COL6A3: variants seen among roughly 807,000 people sequenced by gnomAD.
The protein encoded by COL6A3 is collagen alpha-3(VI) chain.
COL6A3 carries 137 observed loss-of-function variants against 274.1 expected under a neutral mutation model. The observed-to-expected ratio is 0.50, with a 90% CI of 0.44 to 0.58. The LOEUF (loss-of-function observed/expected upper bound fraction) is 0.58. COL6A3 is among the 20% of genes least tolerant of loss of function. The pLI, the probability that COL6A3 is intolerant of heterozygous loss-of-function variation, is 0.00. For synonymous variants in COL6A3, 1,650 were observed against 1,650.6 expected, an observed-to-expected ratio of 1.00 and a Z score of 0.01; for missense variants, 3,950 against 4,124.9, an observed-to-expected ratio of 0.96 and a Z score of 1.16.
At position 237,371,899 on chromosome 2, in the gene COL6A3, G is replaced by T. The variant is rs1197307879; in HGVS notation, c.4118C>A (p.Ala1373Glu). Reference sequence around the variant, plus strand: ...GATCTTCACCAGCTCCTCCTGGTCTGCGTTCCTGGCGATCGTGAAAGGGGC... The same window carrying T: ...GATCTTCACCAGCTCCTCCTGGTCTTCGTTCCTGGCGATCGTGAAAGGGGC... ...GVAPFTIARNADQEELVKISL... is the reference protein window; with the variant it reads ...GVAPFTIARNEDQEELVKISL... The change falls in exon 9 of 44, where the codon GCA (alanine) becomes GAA (glutamate). Residue 1373 changes from alanine (A) to glutamate (E), a missense_variant. By Grantham distance (107) the Ala-to-Glu change is moderately radical (BLOSUM62 -1). This residue lies in a region of COL6A3 where 1,934 missense variants were observed against 1,984.3 expected (regional missense o/e 0.97). Transcript: ENST00000295550. This position sits in a 1 kb window ranked among gnomAD's most constrained non-coding sequence, Gnocchi z 4.3. 6.2e-7 allele frequency: 1 copy of T among 1,613,682 alleles called. No individual in the cohort carries two copies. Among genetic ancestry groups the T allele is most frequent in the African/African-American group, 1.3e-5 (1 of 74,860 alleles).
chr2:237,382,313 G>A (rs1013028411), intron 4 of COL6A3, among the ~76,000 whole-genome samples: 1 of 152,056 alleles, frequency 6.6e-6, no homozygotes, highest in Non-Finnish European at 1.5e-5. Context: ...AACCTGGAAG[G>A]AGGAGGTTCC....
At chr2:237,331,914 T>G (rs1467296583) in intron 42 of COL6A3, among the ~76,000 whole-genome samples, 1 of 150,062 alleles carries the variant, frequency 6.7e-6, no homozygotes, top group African/African-American at 2.4e-5. Flanking sequence ...TATCAACTAC[T>G]TGCAGCCTTG....
Position 237,367,053 on chromosome 2 carries a change from T to G in COL6A3, c.5134A>C (p.Lys1712Gln). 2 of 1,614,230 alleles carry G rather than the reference T, an allele frequency of 1.2e-6. No individual in the cohort carries two copies. Among genetic ancestry groups the G allele is most frequent in the South Asian group, 1.1e-5 (1 of 91,086 alleles). The change falls in exon 11 of 44, where the codon AAA becomes CAA. Residue 1712 changes from lysine to glutamine, a missense_variant. Transcript: ENST00000295550. ...IIDAINKVVYKGGRHANTKVG... is the reference protein window; with the variant it reads ...IIDAINKVVYQGGRHANTKVG... ...TTAGTGTTGGCGTGTCTTCCCCCTT[T>G]GTAGACCACTTTGTTGATGGCGTCA...
chr2:237,409,814 G>A (rs2078810544), intron 1 of COL6A3, among the ~76,000 whole-genome samples: 1 of 152,098 alleles, frequency 6.6e-6, no homozygotes, highest in Non-Finnish European at 1.5e-5. Flanking sequence ...ATACGCAATG[G>A]CATGAATATG....
chr2:237,325,795 G>A, intron 42 of COL6A3, 71 bp from the exon 43 acceptor site: 1 of 1,390,626 alleles, frequency 7.2e-7, no homozygotes, highest in Non-Finnish European at 1.0e-6. Flanking sequence ...TGCTGGGGCT[G>A]ACAGTCTGAT....
At chr2:237,365,547 TAGATC>T in intron 12 of COL6A3, 146 bp downstream of exon 12, 1 of 741,030 alleles carries the variant, frequency 1.3e-6, no homozygotes, top group East Asian at 2.7e-5. Flanking sequence ...TACATGACAT[TAGATC>T]AGTTAATAAC....
rs770884081 is a variant in COL6A3 at position 237,378,777 on chromosome 2, G to T, written c.2356C>A (p.Leu786Ile). 1 of 1,614,240 alleles carries T rather than the reference G, an allele frequency of 6.2e-7. No homozygotes were observed. The highest frequency in any genetic ancestry group is 2.2e-5 in the East Asian group (1 of 44,894). The change falls in exon 6 of 44, where the codon CTT (leucine) becomes ATT (isoleucine). Residue 786 changes from leucine to isoleucine, a missense_variant. By Grantham distance (5) the Leu-to-Ile change is conservative (BLOSUM62 2). Transcript: ENST00000295550. ...CTTGGGTTAAAAGCAATCTGCTCAA[G>T]CTCTGCCTTATTCGCCTGGCTAGCT... The part of the protein sequence containing the change: ...VGASQANKAE[L>I]EQIAFNPSLV...
At chr2:237,357,734 T>G (rs1374741484) in intron 22 of COL6A3, 83 bp downstream of exon 22, 1 of 1,411,848 alleles carries the variant, frequency 7.1e-7, no homozygotes, top group Non-Finnish European at 1.0e-6. Flanking sequence ...GTCTTTGGCC[T>G]CTGTGGCTGC....
chr2:237,408,807 G>C (rs2078782962), intron 1 of COL6A3, among the ~76,000 whole-genome samples: 1 of 152,330 alleles, frequency 6.6e-6, no homozygotes, highest in East Asian at 1.9e-4. Flanking sequence ...AATGCAGCCA[G>C]ACCCCTACAA....
rs200934970 is a variant in COL6A3, at chr2:237,324,843, G to A, written c.9494-29C>T. 5 of 1,611,104 alleles carry A rather than the reference G, an allele frequency of 3.1e-6. No homozygotes were observed. The African/African-American group carries it at 5.3e-5, about 17-fold the overall frequency. ...AGCGTCGAGAGAGGGGGTGGGTGGG[G>A]TGAGGTGAGGAGCCGAGAGAAGAGA... On this transcript the variant is annotated intron_variant, in intron 43 of 43. Coordinates refer to ENST00000295550, the MANE Select transcript of COL6A3 (RefSeq NM_004369.4).
chr2:237,380,459 G>C (rs1574723794), intron 5 of COL6A3, among the ~76,000 whole-genome samples: 4 of 152,352 alleles, frequency 2.6e-5, no homozygotes, highest in African/African-American at 9.6e-5. Context: ...CGAGAGAGAA[G>C]AGAGGGATTA....
chr2:237,394,541 C>T (rs370409777), intron 3 of COL6A3, 46 bp downstream of exon 3: 4 of 1,612,592 alleles, frequency 2.5e-6, no homozygotes, highest in Non-Finnish European at 3.4e-6. Context: ...AAGCTCATCT[C>T]CCAAGAACAG....
In COL6A3 at chr2:237,396,813, C is replaced by T. The variant is rs756965450; in HGVS notation, c.5G>A (p.Arg2Lys). 6.2e-7 allele frequency: 1 copy of T among 1,614,108 alleles called. No individual in the cohort carries two copies. The highest frequency in any genetic ancestry group is 1.7e-5 in the Admixed American group (1 of 60,016). Reference sequence around the variant, plus strand: ...CACTAAGGGCAAGTGCCGATGTTTCCTCATTTTGAATTTGTCTAAGCACCA... The same window carrying T: ...CACTAAGGGCAAGTGCCGATGTTTCTTCATTTTGAATTTGTCTAAGCACCA... The part of the protein sequence containing the change: M[R>K]KHRHLPLVAV... Residue 2 changes from arginine (R) to lysine (K), a missense_variant, in exon 2 of 44, where the codon AGG (arginine) becomes AAG (lysine). Arg to Lys is a conservative substitution (Grantham distance 26). This residue lies in a region of COL6A3 where 1,934 missense variants were observed against 1,984.3 expected (regional missense o/e 0.97). Coordinates refer to ENST00000295550, the MANE Select transcript of COL6A3 (RefSeq NM_004369.4).
chr2:237,404,037 GAAT>G (rs978187801), intron 1 of COL6A3, among the ~76,000 whole-genome samples: 1 of 151,522 alleles, frequency 6.6e-6, no homozygotes, highest in African/African-American at 2.4e-5. Flanking sequence ...ATACACTTCA[GAAT>G]AATATAAAAG....
At chr2:237,358,460 C>A in intron 21 of COL6A3, 61 bp downstream of exon 21, 1 of 1,360,572 alleles carries the variant, frequency 7.3e-7, no homozygotes, top group Non-Finnish European at 1.1e-6. Flanking sequence ...TTTCATCCCC[C>A]TTTCCCAACA....
chr2:237,327,194 T>C (rs1018017290), intron 42 of COL6A3: 5 of 152,272 alleles, frequency 3.3e-5, no homozygotes, highest in African/African-American at 9.6e-5. Flanking sequence ...AATTTATTCC[T>C]CATTTACTGG....
chr2:237,381,560 C>T, intron 4 of COL6A3, 61 bp from the exon 5 acceptor site: 1 of 1,363,828 alleles, frequency 7.3e-7, no homozygotes, highest in Non-Finnish European at 1.0e-6. Context: ...TCAACAATGA[C>T]TTTCAACAAA....
At chr2:237,355,989 T>C (rs140314645) in intron 23 of COL6A3, among the ~76,000 whole-genome samples, 1 of 152,322 alleles carries the variant, frequency 6.6e-6, no homozygotes, top group African/African-American at 2.4e-5. Context: ...GATGTAGGCA[T>C]GCTGAAGCCC....
chr2:237,387,031 A>C (rs897572108), intron 4 of COL6A3, among the ~76,000 whole-genome samples: 1 of 152,144 alleles, frequency 6.6e-6, no homozygotes, highest in African/African-American at 2.4e-5. Flanking sequence ...GAAAAAAAAA[A>C]CTTCATAAAT....
Sources: allele counts gnomAD v4.1 joint callset (sites outside exome capture counted in the v4.1 genomes callset), GRCh38; gene constraint gnomAD v4.1.1; regional missense constraint gnomAD v4.1.1; non-coding constraint Gnocchi (gnomAD v3.1); transcripts MANE v1.5; gene names NCBI Gene and HGNC (gene_info 2026-07-23, HGNC 2026-07-21).